DPYSL3: variants seen among roughly 807,000 people sequenced by gnomAD.
DPYSL3 encodes the protein dihydropyrimidinase-related protein 3.
Under a neutral mutation model 66.1 loss-of-function variants are expected in DPYSL3, and 16 were observed. The observed-to-expected ratio is 0.24, with a 90% CI of 0.16 to 0.37. The LOEUF (loss-of-function observed/expected upper bound fraction) is 0.37, where lower values mean the gene tolerates loss of function less well. Ranked by LOEUF, DPYSL3 falls within the 10% of genes least tolerant of loss-of-function variation. DPYSL3 has a pLI of 1.00. For missense variants in DPYSL3, 738 were observed against 916.2 expected, an observed-to-expected ratio of 0.81 and a Z score of 2.51; for synonymous variants, 338 against 345.1, an observed-to-expected ratio of 0.98 and a Z score of 0.23.
At position 147,500,507 on chromosome 5, in the gene DPYSL3, G is replaced by A. The variant is rs142192205; in HGVS notation, c.381+8971C>T. Among the ~76,000 whole-genome samples, 17 of 151,870 alleles carry A rather than the reference G, an allele frequency of 1.1e-4. No individual in the cohort carries two copies. The East Asian group carries it at 2.1e-3, about 19-fold the overall frequency. On this transcript the variant is annotated intron_variant, in intron 1 of 13. Transcript: ENST00000343218. ...TGCACACCTGCAATCCCAGCTACCC[G>A]GGAGGCTGAGGCAGGAGAATCACTT...
intron 1 of DPYSL3, among the ~76,000 whole-genome samples, chr5:147,483,904 C>T (rs1349343536): frequency 6.6e-6 from 1 of 152,162 alleles, no homozygotes; most frequent in Non-Finnish European, 1.5e-5. Flanking sequence ...ACTGTGAAGG[C>T]CCAATGAGCT....
chr5:147,475,756 G>T (rs1311701202), intron 1 of DPYSL3, among the ~76,000 whole-genome samples: 2 of 152,110 alleles, frequency 1.3e-5, no homozygotes, highest in African/African-American at 4.8e-5. Flanking sequence ...GTCTTAACAT[G>T]CTATAATGAA....
At chr5:147,413,793 T>G in intron 4 of DPYSL3, 136 bp from the exon 5 acceptor site, 1 of 703,078 alleles carries the variant, frequency 1.4e-6, no homozygotes, top group Non-Finnish European at 2.5e-6. Context: ...AAAGCAGATA[T>G]TTATATTCTT....
intron 3 of DPYSL3, among the ~76,000 whole-genome samples, chr5:147,417,256 C>T (rs1751988553): frequency 6.6e-6 from 1 of 152,216 alleles, no homozygotes; most frequent in Admixed American, 6.5e-5. Context: ...GCCAAGATCA[C>T]TCATTCCCGT....
chr5:147,453,562 A>C, intron 1 of DPYSL3: 1 of 1,538,834 alleles, frequency 6.5e-7, no homozygotes, highest in Admixed American at 2.0e-5. Flanking sequence ...GATCCGCGGG[A>C]TGTTCTTCTT....
chr5:147,464,827 T>C (rs551783470), intron 1 of DPYSL3, among the ~76,000 whole-genome samples: 14 of 152,144 alleles, frequency 9.2e-5, no homozygotes, highest in South Asian at 8.3e-4. Context: ...AGACCAGCTG[T>C]GGAAAAAGAG....
chr5:147,449,498 T>C (rs1208171308), intron 1 of DPYSL3, among the ~76,000 whole-genome samples: 1 of 152,222 alleles, frequency 6.6e-6, no homozygotes, highest in Non-Finnish European at 1.5e-5. Context: ...TTCTCTATAA[T>C]TTGTCTCCTA....
chr5:147,473,791 A>G (rs1245099867), intron 1 of DPYSL3, among the ~76,000 whole-genome samples: 2 of 152,114 alleles, frequency 1.3e-5, no homozygotes, highest in Non-Finnish European at 2.9e-5. Context: ...AGGTGGAATT[A>G]AACCTTGGGG....
In DPYSL3 at chr5:147,509,262, T is replaced by C. The variant is rs1488936146; in HGVS notation, c.381+216A>G. On this transcript the variant is annotated intron_variant, in intron 1 of 13. Coordinates refer to ENST00000343218, the MANE Select transcript of DPYSL3 (RefSeq NM_001197294.2). This position sits in a 1 kb window ranked among gnomAD's most constrained non-coding sequence, Gnocchi z 5.3. ...CAGGCAGGGGAACCCGGGCATCCCT[T>C]CCGCGCTTGCACGAAGATGCTGCAA... Among the ~76,000 whole-genome samples, 1 of 152,154 alleles carries C rather than the reference T, an allele frequency of 6.6e-6. No homozygotes were observed. Among genetic ancestry groups the C allele is most frequent in the Non-Finnish European group, 1.5e-5 (1 of 68,034 alleles).
intron 1 of DPYSL3, among the ~76,000 whole-genome samples, chr5:147,448,064 G>A (rs1752661516): frequency 6.6e-6 from 1 of 152,048 alleles, no homozygotes; most frequent in South Asian, 2.1e-4. Context: ...AAGAACAGAG[G>A]GCCCATTAGG....
chr5:147,470,144 G>A (rs557433717), intron 1 of DPYSL3, among the ~76,000 whole-genome samples: 1 of 152,156 alleles, frequency 6.6e-6, no homozygotes, highest in South Asian at 2.1e-4. Flanking sequence ...CTCCCTTCAG[G>A]GTCAGCTGAG....
intron 1 of DPYSL3, among the ~76,000 whole-genome samples, chr5:147,490,415 C>T (rs150498886): frequency 6.6e-6 from 1 of 152,128 alleles, no homozygotes; most frequent in East Asian, 1.9e-4. Context: ...CATAAATGTC[C>T]TATTAAAAGA....
intron 1 of DPYSL3, among the ~76,000 whole-genome samples, chr5:147,486,699 A>G (rs1753334259): frequency 6.6e-6 from 1 of 152,010 alleles, no homozygotes; most frequent in African/African-American, 2.4e-5. Context: ...GACACTGAGT[A>G]AACATCTGTT....
intron 1 of DPYSL3, among the ~76,000 whole-genome samples, chr5:147,499,119 C>A (rs1753565586): frequency 6.6e-6 from 1 of 151,944 alleles, no homozygotes; most frequent in South Asian, 2.1e-4. Context: ...CACTGCTTTT[C>A]AACATTATTC....
At position 147,405,656 on chromosome 5, in the gene DPYSL3, G is replaced by A. The variant is rs1435445209; in HGVS notation, c.1107C>T (p.Val369=). 1.2e-6 allele frequency: 2 copies of A among 1,614,060 alleles called. No individual in the cohort carries two copies. The highest frequency in any genetic ancestry group is 2.2e-5 in the South Asian group (2 of 91,054). Residue 369 remains valine (V), a synonymous_variant, in exon 8 of 14, where the codon GTC becomes GTT. Transcript: ENST00000343218. The stretch of plus-strand genomic sequence containing the variant: ...TGAGGTCAGCTGCACTCTTGCTCAT[G>A]ACCTTTGTGACGTAGAGAGGGCAAT... ...QTNCPLYVTK[V]MSKSAADLIS...
At chr5:147,485,489 A>G (rs1753315498) in intron 1 of DPYSL3, among the ~76,000 whole-genome samples, 1 of 152,234 alleles carries the variant, frequency 6.6e-6, no homozygotes, top group African/African-American at 2.4e-5. Context: ...TTATTTATTT[A>G]CAATATTCTA....
rs1394235672 is a variant in DPYSL3, at chr5:147,395,603, T to C, written c.1922A>G (p.Asn641Ser). The C allele has an allele frequency of 6.2e-7, 1 of 1,613,866 alleles. No individual in the cohort carries two copies. Among genetic ancestry groups the C allele is most frequent in the Admixed American group, 1.7e-5 (1 of 59,992 alleles). The stretch of plus-strand genomic sequence containing the variant: ...CTGATGAAGATTCCTCACAGGTGGG[T>C]TCGGCCGAGTAGGAGAGCCCCGAGC... ...GSARGSPTRP[N>S]PPVRNLHQSG... Residue 641 changes from asparagine (N) to serine (S), a missense_variant, in exon 13 of 14, where the codon AAC becomes AGC. Asn to Ser is a conservative substitution (Grantham distance 46, BLOSUM62 1). Coordinates refer to ENST00000343218, the MANE Select transcript of DPYSL3 (RefSeq NM_001197294.2).
intron 1 of DPYSL3, among the ~76,000 whole-genome samples, chr5:147,464,408 G>A (rs1372514674): frequency 2.6e-5 from 4 of 152,138 alleles, no homozygotes; most frequent in Non-Finnish European, 5.9e-5. Flanking sequence ...CCACCAGGGG[G>A]CATAGCAAGA....
At chr5:147,416,662 AT>A (rs1751976970) in intron 3 of DPYSL3, among the ~76,000 whole-genome samples, 1 of 152,220 alleles carries the variant, frequency 6.6e-6, no homozygotes, top group Non-Finnish European at 1.5e-5. Context: ...TGAAATATAC[AT>A]AAAAAACCCG....
Sources: gnomAD v4.1 joint callset for allele counts (sites outside exome capture counted in the v4.1 genomes callset) on GRCh38, gnomAD v4.1.1 for gene constraint, Gnocchi (gnomAD v3.1) non-coding constraint, MANE v1.5 for transcripts, NCBI Gene and HGNC (gene_info 2026-07-23, HGNC 2026-07-21) for gene names.